FIRRM: variants seen among roughly 807,000 people sequenced by gnomAD.
The protein encoded by FIRRM is FIGNL1-interacting regulator of recombination and mitosis.
At chr1:169,849,459 T>C in the FIRRM span, 3 of 1,421,208 alleles carry the variant, frequency 2.1e-6, no homozygotes, top group Non-Finnish European at 2.0e-6. Flanking sequence ...TTATCTATTA[T>C]GGTTTCTTTT....
the FIRRM span, chr1:169,802,753 G>A: frequency 7.1e-7 from 1 of 1,400,008 alleles, no homozygotes. Flanking sequence ...GAAAGCAGGA[G>A]AGAGAGGGAG....
chr1:169,832,353 T>G, the FIRRM span: 1 of 1,143,638 alleles, frequency 8.7e-7, no homozygotes, highest in Non-Finnish European at 1.3e-6. Context: ...GCATATTCTC[T>G]TCTTGTAAAA....
chr1:169,834,231 G>T, the FIRRM span, among the ~76,000 whole-genome samples: 1 of 152,130 alleles, frequency 6.6e-6, no homozygotes, highest in Non-Finnish European at 1.5e-5. Flanking sequence ...ATAGGTAAAT[G>T]AGGGGTTACT....
the FIRRM span, among the ~76,000 whole-genome samples, chr1:169,800,339 G>A: frequency 1.1e-4 from 17 of 152,230 alleles, no homozygotes; most frequent in East Asian, 3.1e-3. Context: ...GCCACCATGC[G>A]TGGCATAATT....
At chr1:169,811,647 C>T in the FIRRM span, among the ~76,000 whole-genome samples, 2 of 151,748 alleles carry the variant, frequency 1.3e-5, no homozygotes, top group Non-Finnish European at 2.9e-5. Context: ...AGAGTGAGAG[C>T]TTGTCTAGAT....
the FIRRM span, among the ~76,000 whole-genome samples, chr1:169,800,715 C>CTTTTTTTTT: frequency 7.3e-6 from 1 of 136,924 alleles, no homozygotes; most frequent in African/African-American, 2.7e-5. Flanking sequence ...TCCTTTCTCT[C>CTTTTTTTTT]TTTTTTTTTT....
chr1:169,791,184 A>G, the FIRRM span, among the ~76,000 whole-genome samples: 1 of 152,230 alleles, frequency 6.6e-6, no homozygotes, highest in South Asian at 2.1e-4. Flanking sequence ...CGGCGCAGGC[A>G]TCAGGGACCC....
the FIRRM span, among the ~76,000 whole-genome samples, chr1:169,820,064 A>AGAGAC: frequency 2.3e-4 from 35 of 152,356 alleles, no homozygotes; most frequent in African/African-American, 7.7e-4. Context: ...TCTGGATGGT[A>AGAGAC]GAGACAAAGA....
the FIRRM span, chr1:169,802,481 A>C: frequency 1.9e-6 from 1 of 530,414 alleles, no homozygotes; most frequent in East Asian, 3.1e-5. Context: ...AATTAGGTAC[A>C]ATTGTTAAGC....
the FIRRM span, among the ~76,000 whole-genome samples, chr1:169,819,617 G>A: frequency 1.3e-5 from 2 of 152,276 alleles, no homozygotes; most frequent in African/African-American, 4.8e-5. Context: ...TGGAGTCCCA[G>A]GCTGTTAGAG....
chr1:169,820,442 T>C, the FIRRM span, among the ~76,000 whole-genome samples: 1 of 152,002 alleles, frequency 6.6e-6, no homozygotes, highest in Non-Finnish European at 1.5e-5. Flanking sequence ...TCAGCAGGAG[T>C]GCAAGGCCAA....
the FIRRM span, among the ~76,000 whole-genome samples, chr1:169,841,772 G>C: frequency 4.3e-4 from 66 of 152,224 alleles, no homozygotes; most frequent in Middle Eastern, 3.4e-3. Context: ...ACTTTTTGTT[G>C]ATGTATATTA....
At chr1:169,817,727 AATCT>A in the FIRRM span, among the ~76,000 whole-genome samples, 7 of 152,316 alleles carry the variant, frequency 4.6e-5, no homozygotes, top group East Asian at 1.9e-4. Flanking sequence ...TGTATAGACA[AATCT>A]ATCTAATTTT....
At chr1:169,821,741 C>G in the FIRRM span, 1 of 1,608,330 alleles carries the variant, frequency 6.2e-7, no homozygotes, top group East Asian at 2.2e-5. Flanking sequence ...TTGCCAACTC[C>G]CTTTTGCACT....
At chr1:169,817,890 TG>T in the FIRRM span, among the ~76,000 whole-genome samples, 1 of 152,208 alleles carries the variant, frequency 6.6e-6, no homozygotes, top group African/African-American at 2.4e-5. Flanking sequence ...TTTTTTCCAG[TG>T]TTCAATTTAT....
At chr1:169,790,650 G>T in the FIRRM span, among the ~76,000 whole-genome samples, 1 of 152,162 alleles carries the variant, frequency 6.6e-6, no homozygotes, top group African/African-American at 2.4e-5. Flanking sequence ...TCCTGGATGA[G>T]ACCTCATTAA....
At chr1:169,792,464 A>T in the FIRRM span, 1 of 1,028,968 alleles carries the variant, frequency 9.7e-7, no homozygotes, top group Non-Finnish European at 1.4e-6. Context: ...TGGATAAACA[A>T]AACTAAACAA....
the FIRRM span, among the ~76,000 whole-genome samples, chr1:169,833,361 G>A: frequency 1.3e-5 from 2 of 152,068 alleles, no homozygotes; most frequent in African/African-American, 4.8e-5. Context: ...AGTCAGACTT[G>A]GATCTAAGCT....
At chr1:169,817,738 T>G in the FIRRM span, among the ~76,000 whole-genome samples, 8 of 152,182 alleles carry the variant, frequency 5.3e-5, no homozygotes, top group African/African-American at 1.9e-4. Flanking sequence ...ATCTATCTAA[T>G]TTTAATCAGT....
Sources: gnomAD v4.1 joint callset for allele counts (sites outside exome capture counted in the v4.1 genomes callset) on GRCh38, gnomAD v4.1.1 for gene constraint, MANE v1.5 for transcripts, NCBI Gene and HGNC (gene_info 2026-07-23, HGNC 2026-07-21) for gene names.